The following TMCC3 variants were observed in gnomAD, a reference collection of about 807,000 sequenced individuals.
TMCC3 encodes the protein transmembrane and coiled-coil domain family 3, also known as transmembrane and coiled-coil domain protein 3.
TMCC3 carries 28 observed loss-of-function variants against 40.2 expected under a neutral mutation model. That is an observed-to-expected ratio of 0.70 (90% CI 0.52 to 0.95). The LOEUF (loss-of-function observed/expected upper bound fraction) is 0.95. TMCC3 is among the 40% of genes least tolerant of loss of function. The pLI, the probability that TMCC3 is intolerant of heterozygous loss-of-function variation, is 0.00. For synonymous variants in TMCC3, 255 were observed against 248.5 expected, an observed-to-expected ratio of 1.03 and a Z score of -0.25; for missense variants, 554 against 615.2, an observed-to-expected ratio of 0.90 and a Z score of 1.05.
At chr12:94,593,461 A>AAGAAGAAGAAGAAGAAGGAGAAGAAGG (rs1566320778) in intron 1 of TMCC3, among the ~76,000 whole-genome samples, 17 of 31,780 alleles carry the variant, frequency 5.3e-4, no homozygotes, top group Middle Eastern at 0.013. Flanking sequence ...GGAGAAGAAG[A>AAGAAGAAGAAGAAGAAGGAGAAGAAGG]AGAAGAAGAA....
At chr12:94,575,686 C>G (rs989545009) in intron 3 of TMCC3, among the ~76,000 whole-genome samples, 4 of 152,178 alleles carry the variant, frequency 2.6e-5, no homozygotes, top group African/African-American at 9.7e-5. Context: ...AATATTAACC[C>G]AAACTATCCC....
In TMCC3 at chr12:94,579,836, A is replaced by G. The variant is rs2068589521; in HGVS notation, c.996-1307T>C. The stretch of plus-strand genomic sequence containing the variant: ...AAACGTAACCACAGGACAGATGCAA[A>G]CAGAAACCGTCCTGAACTCACATAA... On this transcript the variant is annotated intron_variant, in intron 2 of 3. Coordinates refer to ENST00000261226, the MANE Select transcript of TMCC3 (RefSeq NM_020698.4). Among the ~76,000 whole-genome samples, 3 of 152,220 alleles carry G rather than the reference A, an allele frequency of 2.0e-5. No homozygotes were observed. The South Asian group carries it at 6.2e-4, about 32-fold the overall frequency.
intron 1 of TMCC3, among the ~76,000 whole-genome samples, chr12:94,620,903 C>T (rs756653568): frequency 6.6e-6 from 1 of 152,100 alleles, no homozygotes; most frequent in Non-Finnish European, 1.5e-5. Context: ...GCTAAACATG[C>T]GTGTTTATAC....
At chr12:94,582,922 A>G (rs888222688) in intron 1 of TMCC3, among the ~76,000 whole-genome samples, 14 of 150,616 alleles carry the variant, frequency 9.3e-5, no homozygotes, top group African/African-American at 3.4e-4. Context: ...CACTATGGGG[A>G]ACGCATCCAA....
intron 1 of TMCC3, among the ~76,000 whole-genome samples, chr12:94,595,244 C>A (rs1462852610): frequency 6.6e-6 from 1 of 152,132 alleles, no homozygotes; most frequent in Non-Finnish European, 1.5e-5. Context: ...GGTGGGTATA[C>A]TTTAACCTGC....
At chr12:94,648,708 CA>C (rs1254235751) in intron 1 of TMCC3, among the ~76,000 whole-genome samples, 2 of 152,212 alleles carry the variant, frequency 1.3e-5, no homozygotes, top group African/African-American at 4.8e-5. Context: ...CACCATTTTA[CA>C]GGTTATGAAG....
chr12:94,576,519 AC>A (rs375052986), intron 3 of TMCC3, among the ~76,000 whole-genome samples: 1 of 151,816 alleles, frequency 6.6e-6, no homozygotes, highest in African/African-American at 2.4e-5. Context: ...TCACTCTGTC[AC>A]CCCCCAGGCT....
chr12:94,589,227 C>T (rs532316895), intron 1 of TMCC3, among the ~76,000 whole-genome samples: 32 of 152,166 alleles, frequency 2.1e-4, no homozygotes, highest in African/African-American at 7.0e-4. Context: ...AGCTCAGGGA[C>T]GCCAAAAGAT....
At chr12:94,582,690 G>T in intron 1 of TMCC3, 152 bp from the exon 2 acceptor site, 2 of 681,618 alleles carry the variant, frequency 2.9e-6, no homozygotes, top group Non-Finnish European at 4.8e-6. Context: ...GTCCCCTCCA[G>T]TTGAACATAG....
chr12:94,609,735 C>T (rs2068804050), intron 1 of TMCC3: 1 of 152,204 alleles, frequency 6.6e-6, no homozygotes, highest in South Asian at 2.1e-4. Flanking sequence ...AATTCAACGG[C>T]TTACAGATAT....
At chr12:94,596,323 A>G (rs1325134310) in intron 1 of TMCC3, among the ~76,000 whole-genome samples, 1 of 152,170 alleles carries the variant, frequency 6.6e-6, no homozygotes, top group Admixed American at 6.6e-5. Flanking sequence ...CAGAGCCAGG[A>G]TTTGTACTAA....
intron 1 of TMCC3, among the ~76,000 whole-genome samples, chr12:94,641,626 G>C (rs1480552058): frequency 1.3e-5 from 2 of 152,136 alleles, no homozygotes; most frequent in Non-Finnish European, 2.9e-5. Flanking sequence ...TTAGGCTTGG[G>C]TTTAAGGGTT....
chr12:94,575,856 T>C (rs1010681640), intron 3 of TMCC3, among the ~76,000 whole-genome samples: 9 of 152,148 alleles, frequency 5.9e-5, no homozygotes, highest in African/African-American at 2.2e-4. Context: ...TGGAGTGCAG[T>C]GGTGTGATCA....
rs573887482 is a variant in TMCC3, at chr12:94,597,164, T to A, written c.79-14626A>T. On this transcript the variant is annotated intron_variant, in intron 1 of 3. Coordinates refer to ENST00000261226, the MANE Select transcript of TMCC3 (RefSeq NM_020698.4). ...ATATATATATATATATATATGTATA[T>A]AAATTAGCCAGGCCTGCTGGCGTGC... Among the ~76,000 whole-genome samples, 658 of 90,406 alleles carry A rather than the reference T, an allele frequency of 7.3e-3. 21 individuals are homozygous for A. In the South Asian group the frequency reaches 0.077, roughly 11 times the overall value. The allele number at this position is 90,406 out of a possible 152,430, so 59.3% of individuals were successfully genotyped here.
intron 1 of TMCC3, among the ~76,000 whole-genome samples, chr12:94,596,087 C>CTT (rs1330950792): frequency 6.6e-6 from 1 of 152,212 alleles, no homozygotes; most frequent in Non-Finnish European, 1.5e-5. Flanking sequence ...GTGTGAAATA[C>CTT]TTAACAAAGA....
At chr12:94,619,524 T>C (rs548683612) in intron 1 of TMCC3, among the ~76,000 whole-genome samples, 3 of 152,350 alleles carry the variant, frequency 2.0e-5, no homozygotes, top group Admixed American at 6.5e-5. Flanking sequence ...TAGACATGGA[T>C]AGCTGCCTGC....
At chr12:94,607,629 C>T (rs2138856496) in intron 1 of TMCC3, among the ~76,000 whole-genome samples, 1 of 152,322 alleles carries the variant, frequency 6.6e-6, no homozygotes, top group South Asian at 2.1e-4. Context: ...TGGTCTTGAA[C>T]TGCTGACCTC....
chr12:94,573,357 T>C (rs1308909446), intron 3 of TMCC3, among the ~76,000 whole-genome samples: 2 of 152,190 alleles, frequency 1.3e-5, no homozygotes, highest in African/African-American at 2.4e-5. Context: ...AATTTCCCTA[T>C]ACACTCTTTT....
chr12:94,578,146 C>CAAAAAAAAAAAAAAAAAAAAAAA (rs1183420863), intron 3 of TMCC3, among the ~76,000 whole-genome samples: 26 of 34,738 alleles, frequency 7.5e-4, no homozygotes, highest in East Asian at 1.6e-3. Context: ...AGACTCACCT[C>CAAAAAAAAAAAAAAAAAAAAAAA]AAAAAAAAAA....
Sources: gnomAD v4.1 joint callset for allele counts (sites outside exome capture counted in the v4.1 genomes callset) on GRCh38, gnomAD v4.1.1 for gene constraint, MANE v1.5 for transcripts, NCBI Gene and HGNC (gene_info 2026-07-23, HGNC 2026-07-21) for gene names.